CATSPER3: variants seen among roughly 807,000 people sequenced by gnomAD.
The protein encoded by CATSPER3 is cation channel sperm associated 3.
A neutral mutation model predicts 36.6 loss-of-function variants in CATSPER3; 23 were observed. That is an observed-to-expected ratio of 0.63 (90% CI 0.45 to 0.89). CATSPER3 has a LOEUF of 0.89. CATSPER3 is among the 40% of genes least tolerant of loss of function. CATSPER3 has a pLI of 0.00. For synonymous variants in CATSPER3, 172 were observed against 184.1 expected, an observed-to-expected ratio of 0.93 and a Z score of 0.53; for missense variants, 474 against 503.9, an observed-to-expected ratio of 0.94 and a Z score of 0.57.
rs1004965157 is a variant in CATSPER3, at chr5:134,996,196, G to A, written c.253-77G>A. The A allele has an allele frequency of 2.5e-6, 4 of 1,599,252 alleles. No homozygotes were observed. The African/African-American group carries it at 4.0e-5, about 16-fold the overall frequency. On this transcript the variant is annotated intron_variant, in intron 2 of 7. Coordinates refer to ENST00000282611, the MANE Select transcript of CATSPER3 (RefSeq NM_178019.3). ...GTGACTTAGGAGCACCCCTTCCGGG[G>A]CTCACGCAGGGAGCAGGCCAGAGCT...
In CATSPER3 at chr5:135,011,691, T is replaced by C. The variant is rs1186669610; in HGVS notation, c.*68T>C. The C allele has an allele frequency of 1.9e-6, 2 of 1,065,780 alleles. No homozygotes were observed. The highest frequency in any genetic ancestry group is 3.8e-5 in the Admixed American group (2 of 53,158). The allele number at this position is 1,065,780 out of a possible 1,614,324, so 66.0% of individuals were successfully genotyped here. A position where few individuals can be genotyped will look rare whatever the true frequency, so the allele number is the denominator to read the frequency against. On this transcript the variant is annotated 3_prime_UTR_variant, in exon 8 of 8. Transcript: ENST00000282611. The stretch of plus-strand genomic sequence containing the variant: ...GACAGGTCCCTATTAAACACAGGCT[T>C]TCTGAGTTGTCCTCTCCAGAGTTGC...
Position 135,010,378 on chromosome 5 carries a change from T to C in CATSPER3, c.942T>C (p.Asn314=), listed in dbSNP as rs1350491742. The change falls in exon 7 of 8, where the codon AAT becomes AAC. Residue 314 remains asparagine (N), a synonymous_variant. Transcript: ENST00000282611. The stretch of plus-strand genomic sequence containing the variant: ...CGTTATGCTTTCCTCTCTAGAAAAA[T>C]GCTGACTGCACAAGTTTCAGTGAGC... ...EISRLMHIQK[N]ADCTSFSELV... 2.5e-6 allele frequency: 4 copies of C among 1,613,964 alleles called. No homozygotes were observed. The highest frequency in any genetic ancestry group is 1.7e-6 in the Non-Finnish European group (2 of 1,179,850).
At chr5:134,970,183 A>T in intron 2 of CATSPER3, 91 bp downstream of exon 2, 1 of 1,258,180 alleles carries the variant, frequency 7.9e-7, no homozygotes, top group South Asian at 1.2e-5. Flanking sequence ...TTTCCGAGAC[A>T]GAATCTCACT....
At chr5:134,971,922 G>T (rs12654962) in intron 2 of CATSPER3, among the ~76,000 whole-genome samples, 2 of 152,216 alleles carry the variant, frequency 1.3e-5, no homozygotes, top group South Asian at 2.1e-4. Context: ...AGCTCAGTGA[G>T]GTTAGAACCA....
intron 2 of CATSPER3, among the ~76,000 whole-genome samples, chr5:134,970,894 C>T (rs1016754553): frequency 5.9e-5 from 9 of 152,064 alleles, no homozygotes; most frequent in Non-Finnish European, 2.9e-5. Flanking sequence ...TTTAAGTCTC[C>T]TTGAATCTCC....
rs751605598 is a variant in CATSPER3, at chr5:134,970,015, A to G, written c.175A>G (p.Thr59Ala). 2 of 1,614,100 alleles carry G rather than the reference A, an allele frequency of 1.2e-6. No individual in the cohort carries two copies. The highest frequency in any genetic ancestry group is 1.7e-6 in the Non-Finnish European group (2 of 1,179,946). The change falls in exon 2 of 8, where the codon ACT becomes GCT. Residue 59 changes from threonine to alanine, a missense_variant. Physicochemically the swap from Thr to Ala is moderately conservative, Grantham distance 58 (BLOSUM62 0). Transcript: ENST00000282611. ...SRFFKIIMIS[T>A]VTSNAFFMAL... ...TTTCTTTAAGATAATTATGATTAGC[A>G]CTGTCACATCGAATGCGTTTTTTAT...
intron 2 of CATSPER3, among the ~76,000 whole-genome samples, chr5:134,985,889 A>G (rs535525562): frequency 2.3e-3 from 357 of 152,032 alleles, no homozygotes; most frequent in African/African-American, 8.1e-3. Context: ...ATAGAGCAAG[A>G]TCTTGTCTCA....
chr5:134,969,894 G>A, intron 1 of CATSPER3, 45 bp from the exon 2 acceptor site: 1 of 1,606,384 alleles, frequency 6.2e-7, no homozygotes, highest in East Asian at 2.2e-5. Context: ...TGGGGATCTA[G>A]CTCTATTGTG....
chr5:134,975,148 C>A (rs1751652207), intron 2 of CATSPER3: 1 of 152,070 alleles, frequency 6.6e-6, no homozygotes, highest in Non-Finnish European at 1.5e-5. Flanking sequence ...GGTGGTGGTA[C>A]AGCCATTGAA....
At chr5:134,988,288 A>T (rs376469381) in intron 2 of CATSPER3, among the ~76,000 whole-genome samples, 1 of 152,326 alleles carries the variant, frequency 6.6e-6, no homozygotes, top group African/African-American at 2.4e-5. Flanking sequence ...GATCAGGATG[A>T]TGGTTGCTGA....
Position 134,970,568 on chromosome 5 carries a change from ATTTTTTTT to A in CATSPER3, c.252+490_252+497del, listed in dbSNP as rs35264342. Among the ~76,000 whole-genome samples the A allele has an allele frequency of 4.8e-5, 6 of 124,236 alleles. No individual in the cohort carries two copies. In the South Asian group the frequency reaches 1.3e-3, roughly 27 times the overall value. 81.5% of individuals were successfully genotyped at this position (124,236 alleles called of 152,430 possible). On this transcript the variant is annotated intron_variant, in intron 2 of 7. Transcript: ENST00000282611. ...AAGAGCAGCAGTGGTGACATGGTGGATTTTTTTTTTTTTTTTTTTTTGAGACAGAGTCT... is the reference window on the plus strand; with the variant it reads ...AAGAGCAGCAGTGGTGACATGGTGGATTTTTTTTTTTTTGAGACAGAGTCT...
rs115956450 is a variant in CATSPER3 at position 134,997,202 on chromosome 5, C to T, written c.492+690C>T. Among the ~76,000 whole-genome samples the T allele has an allele frequency of 4.9e-3, 744 of 152,348 alleles. 5 individuals carry two copies. The highest frequency in any genetic ancestry group is 0.017 in the African/African-American group (715 of 41,578). On this transcript the variant is annotated intron_variant, in intron 3 of 7. Transcript: ENST00000282611. The stretch of plus-strand genomic sequence containing the variant: ...GTTCCCGTGTTCAGTCGGGGTGTGT[C>T]GTCCTGTCCTGCCGGAGGCTGCCCC...
chr5:134,974,626 A>C (rs1332905060), intron 2 of CATSPER3, among the ~76,000 whole-genome samples: 1 of 151,992 alleles, frequency 6.6e-6, no homozygotes, highest in Non-Finnish European at 1.5e-5. Context: ...TTAAAAATAT[A>C]CTCTTCTTAT....
Position 134,969,800 on chromosome 5 carries a change from AT to A in CATSPER3, c.99-137del, listed in dbSNP as rs1751579353. The A allele has an allele frequency of 4.6e-6, 4 of 862,682 alleles. No homozygotes were observed. The Admixed American group carries it at 7.3e-5, about 16-fold the overall frequency. The allele number at this position is 862,682 out of a possible 1,614,324, so 53.4% of individuals were successfully genotyped here. A position where few individuals can be genotyped will look rare whatever the true frequency, so the allele number is the denominator to read the frequency against. On this transcript the variant is annotated intron_variant, in intron 1 of 7. Transcript: ENST00000282611. ...TCAGTGGTCATTTATTCAACATCTC[AT>A]TGCTATTTAAAAGTATATGTAAATT... is the stretch of plus-strand genomic sequence containing the variant.
chr5:135,001,257 G>T (rs1752016102), intron 3 of CATSPER3, among the ~76,000 whole-genome samples: 1 of 152,188 alleles, frequency 6.6e-6, no homozygotes, highest in Non-Finnish European at 1.5e-5. Flanking sequence ...GGTTTTGAGT[G>T]AGTTTCTTAA....
intron 2 of CATSPER3, among the ~76,000 whole-genome samples, chr5:134,970,520 C>T (rs1751589879): frequency 6.7e-6 from 1 of 149,452 alleles, no homozygotes; most frequent in African/African-American, 2.5e-5. Flanking sequence ...TAAAAATACT[C>T]TAAAATCTGG....
chr5:135,007,870 C>T (rs953695931), intron 3 of CATSPER3, 87 bp from the exon 4 acceptor site: 81 of 837,600 alleles, frequency 9.7e-5, no homozygotes, highest in Non-Finnish European at 1.3e-4. Flanking sequence ...CTGGGGACAG[C>T]TGTGAACTGG....
At chr5:134,998,762 G>C (rs1030760528) in intron 3 of CATSPER3, among the ~76,000 whole-genome samples, 30 of 152,076 alleles carry the variant, frequency 2.0e-4, no homozygotes, top group African/African-American at 7.2e-4. Context: ...TTTTTGATGG[G>C]GTTGTTTGAT....
intron 2 of CATSPER3, among the ~76,000 whole-genome samples, chr5:134,970,425 C>T (rs1751588894): frequency 6.6e-6 from 1 of 152,032 alleles, no homozygotes; most frequent in Admixed American, 6.5e-5. Flanking sequence ...TCCCAAAATG[C>T]TGGGATTACA....
Sources: allele counts gnomAD v4.1 joint callset (sites outside exome capture counted in the v4.1 genomes callset), GRCh38; gene constraint gnomAD v4.1.1; transcripts MANE v1.5; gene names NCBI Gene and HGNC (gene_info 2026-07-23, HGNC 2026-07-21).